The following TMC5 variants were observed in gnomAD, a reference collection of about 807,000 sequenced individuals.
TMC5 encodes the protein transmembrane channel-like protein 5.
Under a neutral mutation model 110.5 loss-of-function variants are expected in TMC5, and 86 were observed. The ratio of observed to expected loss-of-function variants is 0.78; its 90% CI spans 0.65 to 0.93. The LOEUF is 0.93. Among genes scored for constraint, TMC5 ranks in the 40% least tolerant of loss-of-function variants. The probability of loss-of-function intolerance (pLI) is 0.00; values close to 1 mark genes in which losing one functional copy is unlikely to be tolerated. For missense variants in TMC5, 1,144 were observed against 1,222.8 expected (o/e 0.94, Z 0.96); for synonymous variants, 455 against 439.5 (o/e 1.04, Z -0.44).
At chr16:19,486,662 G>A (rs1334211431) in intron 15 of TMC5, among the ~76,000 whole-genome samples, 1 of 152,246 alleles carries the variant, frequency 6.6e-6, no homozygotes, top group Non-Finnish European at 1.5e-5. Flanking sequence ...ACAGGCATAA[G>A]CCACCGTTCC....
At chr16:19,492,455 AT>A (rs1227875231) in intron 19 of TMC5, 2 of 340,252 alleles carry the variant, frequency 5.9e-6, no homozygotes, top group African/African-American at 4.3e-5. Flanking sequence ...GATTATTATT[AT>A]TATTTTGAGA....
Position 19,479,547 on chromosome 16 carries a change from T to A in TMC5, c.2267+19T>A. 1 of 1,563,800 alleles carries A rather than the reference T, an allele frequency of 6.4e-7. No homozygotes were observed. Among genetic ancestry groups the A allele is most frequent in the Non-Finnish European group, 8.8e-7 (1 of 1,134,424 alleles). ...TGAGGAGGTAAATATTTGCCATTCT[T>A]AAGTAATTAGGGCCTGATGCTGTAA... On this transcript the variant is annotated intron_variant, in intron 14 of 21. Transcript: ENST00000542583.
intron 12 of TMC5, among the ~76,000 whole-genome samples, chr16:19,474,514 G>T (rs1395052905): frequency 2.0e-5 from 3 of 152,026 alleles, no homozygotes; most frequent in Non-Finnish European, 4.4e-5. Flanking sequence ...ATAGCCGGAT[G>T]CTGGCTCTAC....
At chr16:19,493,153 G>T (rs923303880) in intron 19 of TMC5, among the ~76,000 whole-genome samples, 1 of 150,892 alleles carries the variant, frequency 6.6e-6, no homozygotes, top group Non-Finnish European at 1.5e-5. Context: ...TAGAGATGGG[G>T]TTTCTCCATG....
chr16:19,457,709 CTTTTTTTTTTTTTT>C (rs573979829), intron 5 of TMC5, among the ~76,000 whole-genome samples: 1,936 of 43,966 alleles, frequency 0.044, 53 homozygotes, highest in African/African-American at 0.091. Flanking sequence ...AGACTACATT[CTTTTTTTTTTTTTT>C]TTTTTTTTTT....
chr16:19,483,935 AGCTGG>A (rs1968676696), intron 15 of TMC5, among the ~76,000 whole-genome samples: 1 of 152,014 alleles, frequency 6.6e-6, no homozygotes, highest in Non-Finnish European at 1.5e-5. Flanking sequence ...ACAAAAAATT[AGCTGG>A]GCGTGGTTGG....
chr16:19,426,801 CT>C (rs1004923745), intron 1 of TMC5, among the ~76,000 whole-genome samples: 26 of 152,114 alleles, frequency 1.7e-4, no homozygotes, highest in Admixed American at 1.4e-3. Flanking sequence ...AACAAATCAA[CT>C]TTTTTCTTCC....
At chr16:19,434,606 G>T (rs937495990) in intron 2 of TMC5, among the ~76,000 whole-genome samples, 6 of 151,362 alleles carry the variant, frequency 4.0e-5, no homozygotes, top group African/African-American at 1.5e-4. Context: ...TTACAGATGT[G>T]AGCCATCATG....
rs535581791 is a variant in TMC5, at chr16:19,419,567, C to T, written c.-308+1475C>T. Among the ~76,000 whole-genome samples, 4 of 151,990 alleles carry T rather than the reference C, an allele frequency of 2.6e-5. No individual in the cohort carries two copies. In the East Asian group the frequency reaches 7.8e-4, roughly 30 times the overall value. Reference sequence around the variant, plus strand: ...AGCTGGGACTACGGGCGCCTGCCACCATGCCCGGCTAATTTTTTGTATTTT... The same window carrying T: ...AGCTGGGACTACGGGCGCCTGCCACTATGCCCGGCTAATTTTTTGTATTTT... On this transcript the variant is annotated intron_variant, in intron 1 of 21. Transcript: ENST00000542583.
chr16:19,424,107 A>G (rs1597157357), intron 1 of TMC5, among the ~76,000 whole-genome samples: 1 of 152,148 alleles, frequency 6.6e-6, no homozygotes, highest in East Asian at 1.9e-4. Context: ...GTCAGAACCC[A>G]CAGGTTAAGG....
At chr16:19,461,076 A>G (rs1246301681) in intron 6 of TMC5, among the ~76,000 whole-genome samples, 2 of 152,234 alleles carry the variant, frequency 1.3e-5, no homozygotes, top group Non-Finnish European at 2.9e-5. Context: ...GAAAATGGAC[A>G]TCGGTGGAAA....
At chr16:19,448,890 C>G (rs1363885135) in intron 4 of TMC5, among the ~76,000 whole-genome samples, 1 of 131,586 alleles carries the variant, frequency 7.6e-6, no homozygotes, top group Non-Finnish European at 1.6e-5. Flanking sequence ...GAGTCAGAGT[C>G]TCGCTCTGTT....
At chr16:19,473,378 A>C (rs1034499672) in intron 11 of TMC5, among the ~76,000 whole-genome samples, 1 of 145,972 alleles carries the variant, frequency 6.9e-6, no homozygotes, top group Non-Finnish European at 1.5e-5. Context: ...AAAAAAAAAA[A>C]AAACCAGCAG....
chr16:19,461,573 C>CG (rs1968023933), intron 6 of TMC5, among the ~76,000 whole-genome samples: 1 of 146,226 alleles, frequency 6.8e-6, no homozygotes, highest in African/African-American at 2.7e-5. Flanking sequence ...GACTCTGTAT[C>CG]GGAAAAAAAA....
At chr16:19,456,631 C>A in intron 5 of TMC5, 1 of 1,530,932 alleles carries the variant, frequency 6.5e-7, no homozygotes, top group South Asian at 1.3e-5. Context: ...GAGTCCCAAT[C>A]AATGCGGGTG....
At position 19,444,731 on chromosome 16, in the gene TMC5, A is replaced by G. The variant is rs559579758; in HGVS notation, c.958+481A>G. Among the ~76,000 whole-genome samples, 548 of 152,342 alleles carry G rather than the reference A, an allele frequency of 3.6e-3. 1 individual carries two copies. Among genetic ancestry groups the G allele is most frequent in the African/African-American group, 0.012 (503 of 41,572 alleles). On this transcript the variant is annotated intron_variant, in intron 4 of 21. Coordinates refer to ENST00000542583, the MANE Select transcript of TMC5 (RefSeq NM_001261841.2). ...AGCATATCCTAAAGGCATTCAGGCA[A>G]TCAGCACGTATGTGTTCAGAACCTA...
chr16:19,426,801 C>T (rs1567297341), intron 1 of TMC5, among the ~76,000 whole-genome samples: 1 of 152,232 alleles, frequency 6.6e-6, no homozygotes, highest in African/African-American at 2.4e-5. Flanking sequence ...AACAAATCAA[C>T]TTTTTTCTTC....
chr16:19,470,184 G>A (rs1001122024), intron 10 of TMC5, among the ~76,000 whole-genome samples: 4 of 137,966 alleles, frequency 2.9e-5, no homozygotes, highest in South Asian at 2.3e-4. Flanking sequence ...GTAAGCCACC[G>A]CGCCCAGCTG....
chr16:19,417,173 GTTTT>G, upstream of TMC5, among the ~76,000 whole-genome samples: 1 of 150,688 alleles, frequency 6.6e-6, no homozygotes, highest in Non-Finnish European at 1.5e-5. Flanking sequence ...AATCTCAGCA[GTTTT>G]GGAGACCGAG....
Sources: gnomAD v4.1 joint callset for allele counts (sites outside exome capture counted in the v4.1 genomes callset) on GRCh38, gnomAD v4.1.1 for gene constraint, MANE v1.5 for transcripts, NCBI Gene and HGNC (gene_info 2026-07-23, HGNC 2026-07-21) for gene names.